The following SH3RF1 variants were observed in gnomAD, a reference collection of about 807,000 sequenced individuals.
SH3RF1 encodes the protein SH3 domain containing ring finger 1.
Under a neutral mutation model 74.0 loss-of-function variants are expected in SH3RF1, and 32 were observed. That is an observed-to-expected ratio of 0.43 (90% CI 0.33 to 0.58). The LOEUF is 0.58. Among genes scored for constraint, SH3RF1 ranks in the 20% least tolerant of loss-of-function variants. The pLI, the probability that SH3RF1 is intolerant of heterozygous loss-of-function variation, is 0.05. For missense variants in SH3RF1, 954 were observed against 1,130.9 expected, an observed-to-expected ratio of 0.84 and a Z score of 2.24; for synonymous variants, 396 against 439.6, an observed-to-expected ratio of 0.90 and a Z score of 1.24.
intron 6 of SH3RF1, among the ~76,000 whole-genome samples, chr4:169,123,426 G>C (rs1733474452): frequency 1.3e-5 from 2 of 152,184 alleles, no homozygotes; most frequent in Non-Finnish European, 2.9e-5. Context: ...TTTCAATAAA[G>C]ATTTTTCCCA....
chr4:169,122,412 C>CTTTCATATCAGT, intron 6 of SH3RF1, 146 bp from the exon 7 acceptor site: 1 of 907,516 alleles, frequency 1.1e-6, no homozygotes, highest in Non-Finnish European at 1.6e-6. Context: ...AATCAGCAGG[C>CTTTCATATCAGT]TAACTGATAT....
intron 2 of SH3RF1, among the ~76,000 whole-genome samples, chr4:169,236,445 T>G (rs193035579): frequency 2.8e-4 from 43 of 152,338 alleles, no homozygotes; most frequent in African/African-American, 1.0e-3. Context: ...TTTGCTGTAT[T>G]AAGCATCTCA....
chr4:169,202,041 C>T (rs936553731), intron 2 of SH3RF1, among the ~76,000 whole-genome samples: 3 of 151,886 alleles, frequency 2.0e-5, no homozygotes, highest in African/African-American at 7.3e-5. Flanking sequence ...GAAAAAGTAT[C>T]TCATAATGTT....
intron 2 of SH3RF1, among the ~76,000 whole-genome samples, chr4:169,195,937 C>T (rs965503930): frequency 3.3e-5 from 5 of 152,058 alleles, no homozygotes; most frequent in Admixed American, 1.3e-4. Context: ...CAACCTCCAC[C>T]TCCCCAGTTC....
Position 169,119,429 on chromosome 4 carries a change from T to A in SH3RF1, c.1517+1390A>T, listed in dbSNP as rs183219050. On this transcript the variant is annotated intron_variant, in intron 8 of 11. Coordinates refer to ENST00000284637, the MANE Select transcript of SH3RF1 (RefSeq NM_020870.4). ...AGGCGTGAGCCACTGCACCCGGCTA[T>A]ACAAGCAGAGAGACTTCTAATAATT... Among the ~76,000 whole-genome samples, 254 of 151,888 alleles carry A rather than the reference T, an allele frequency of 1.7e-3. 2 individuals are homozygous for A. Among genetic ancestry groups the A allele is most frequent in the African/African-American group, 5.9e-3 (244 of 41,424 alleles).
rs188682164 is a variant in SH3RF1 at position 169,139,812 on chromosome 4, G to A, written c.766-3192C>T. Among the ~76,000 whole-genome samples the A allele has an allele frequency of 4.2e-3, 634 of 149,846 alleles. 4 individuals are homozygous for A. The highest frequency in any genetic ancestry group is 0.015 in the African/African-American group (587 of 39,248). ...CCTAGCACAGCCATTACCTAACTTT[G>A]GGGCCTTAAGGGAGCCATCTTACCT... On this transcript the variant is annotated intron_variant, in intron 4 of 11. Coordinates refer to ENST00000284637, the MANE Select transcript of SH3RF1 (RefSeq NM_020870.4).
chr4:169,155,705 C>G, intron 3 of SH3RF1, 130 bp from the exon 4 acceptor site: 1 of 684,494 alleles, frequency 1.5e-6, no homozygotes, highest in Non-Finnish European at 2.6e-6. Flanking sequence ...TATGACATAT[C>G]TTTAGTACAT....
intron 6 of SH3RF1, 43 bp downstream of exon 6, chr4:169,130,003 A>G: frequency 6.6e-7 from 1 of 1,517,036 alleles, no homozygotes; most frequent in Non-Finnish European, 9.1e-7. Context: ...TAACATGACT[A>G]AAGACCTAAA....
In SH3RF1 at chr4:169,174,804, G is replaced by A. The variant is rs531047169; in HGVS notation, c.394-18125C>T. Among the ~76,000 whole-genome samples, 13 of 152,042 alleles carry A rather than the reference G, an allele frequency of 8.6e-5. 1 individual carries two copies. The South Asian group carries it at 2.7e-3, about 32-fold the overall frequency. ...CTCTGGGGCTGGGTCAGAAGCATACGGATTTTGAAAAGCTCCTTAGTGACT... is the reference window on the plus strand; with the variant it reads ...CTCTGGGGCTGGGTCAGAAGCATACAGATTTTGAAAAGCTCCTTAGTGACT... On this transcript the variant is annotated intron_variant, in intron 2 of 11. Transcript: ENST00000284637.
chr4:169,188,785 C>T (rs1159094237), intron 2 of SH3RF1, among the ~76,000 whole-genome samples: 1 of 152,214 alleles, frequency 6.6e-6, no homozygotes, highest in Non-Finnish European at 1.5e-5. Context: ...ATAATTTCTT[C>T]CATACTCCCT....
At chr4:169,208,770 C>A (rs1196069245) in intron 2 of SH3RF1, among the ~76,000 whole-genome samples, 1 of 152,010 alleles carries the variant, frequency 6.6e-6, no homozygotes, top group Non-Finnish European at 1.5e-5. Flanking sequence ...AGGTCCAGCT[C>A]CTGGAAAGCT....
Position 169,096,625 on chromosome 4 carries a change from T to C in SH3RF1, c.2561A>G (p.Asp854Gly). 1 of 1,614,078 alleles carries C rather than the reference T, an allele frequency of 6.2e-7. No individual in the cohort carries two copies. The highest frequency in any genetic ancestry group is 8.5e-7 in the Non-Finnish European group (1 of 1,180,002). ...SEAELELKEG[D>G]IVFVHKKRED... Reference sequence around the variant, plus strand: ...TCGTTTTTTATGAACAAACACAATATCTCCTTCTTTAAGTTCAAGTTCTGC... The same window carrying C: ...TCGTTTTTTATGAACAAACACAATACCTCCTTCTTTAAGTTCAAGTTCTGC... Residue 854 changes from aspartate to glycine, a missense_variant, in exon 12 of 12, where the codon GAT becomes GGT. Physicochemically the swap from Asp to Gly is moderately conservative, Grantham distance 94. Coordinates refer to ENST00000284637, the MANE Select transcript of SH3RF1 (RefSeq NM_020870.4).
intron 2 of SH3RF1, among the ~76,000 whole-genome samples, chr4:169,183,663 G>C (rs1734552330): frequency 6.6e-6 from 1 of 151,654 alleles, no homozygotes; most frequent in Non-Finnish European, 1.5e-5. Context: ...TGGGAGGACT[G>C]CTTGAGCCTA....
At chr4:169,127,993 AC>A (rs1733554153) in intron 6 of SH3RF1, among the ~76,000 whole-genome samples, 1 of 152,216 alleles carries the variant, frequency 6.6e-6, no homozygotes, top group Non-Finnish European at 1.5e-5. Flanking sequence ...TCCAATGAGC[AC>A]TTCCTTTGAG....
chr4:169,255,436 A>G (rs977813583), intron 2 of SH3RF1, among the ~76,000 whole-genome samples: 2 of 152,116 alleles, frequency 1.3e-5, no homozygotes, highest in East Asian at 1.9e-4. Flanking sequence ...ATGAGCTATT[A>G]AAAAATAACC....
chr4:169,259,988 T>TG (rs781263267), intron 2 of SH3RF1, among the ~76,000 whole-genome samples: 1 of 152,230 alleles, frequency 6.6e-6, no homozygotes, highest in Non-Finnish European at 1.5e-5. Flanking sequence ...GTCTTGGGTT[T>TG]GCTTAAACTA....
chr4:169,192,770 C>CAT (rs200785590), intron 2 of SH3RF1, among the ~76,000 whole-genome samples: 79 of 148,402 alleles, frequency 5.3e-4, no homozygotes, highest in African/African-American at 1.3e-3. Flanking sequence ...GAAGCTGTTT[C>CAT]ATATATATAT....
chr4:169,173,060 A>G (rs977859867), intron 2 of SH3RF1, among the ~76,000 whole-genome samples: 3 of 152,224 alleles, frequency 2.0e-5, no homozygotes, highest in Non-Finnish European at 4.4e-5. Context: ...TAAATAATTA[A>G]GATATACAAA....
intron 2 of SH3RF1, among the ~76,000 whole-genome samples, chr4:169,160,037 C>T (rs1188397894): frequency 2.6e-5 from 4 of 152,282 alleles, no homozygotes; most frequent in African/African-American, 9.6e-5. Context: ...GCATTGGAAG[C>T]CTGCATGAAT....
Sources: allele counts gnomAD v4.1 joint callset (sites outside exome capture counted in the v4.1 genomes callset), GRCh38; gene constraint gnomAD v4.1.1; transcripts MANE v1.5; gene names NCBI Gene and HGNC (gene_info 2026-07-23, HGNC 2026-07-21).